The following DLG2 variants were observed in gnomAD, a reference collection of about 807,000 sequenced individuals.
DLG2 encodes the protein disks large homolog 2.
A neutral mutation model predicts 132.5 loss-of-function variants in DLG2; 45 were observed. That is an observed-to-expected ratio of 0.34 (90% CI 0.27 to 0.44). DLG2 has a LOEUF of 0.44. Ranked by LOEUF, DLG2 falls within the 20% of genes least tolerant of loss-of-function variation. The pLI is 1.00. For missense variants in DLG2, 1,045 were observed against 1,196.9 expected, an observed-to-expected ratio of 0.87 and a Z score of 1.87; for synonymous variants, 424 against 419.6, an observed-to-expected ratio of 1.01 and a Z score of -0.13.
intron 19 of DLG2, among the ~76,000 whole-genome samples, chr11:83,606,562 G>T (rs181629625): frequency 1.3e-5 from 2 of 152,088 alleles, no homozygotes; most frequent in East Asian, 3.9e-4. Flanking sequence ...AGTTGTCAGG[G>T]TCTTCACGGA....
intron 7 of DLG2, among the ~76,000 whole-genome samples, chr11:84,285,078 G>A (rs2097895680): frequency 6.6e-6 from 1 of 152,138 alleles, no homozygotes; most frequent in South Asian, 2.1e-4. Context: ...TATTATGTAA[G>A]TGGCTCCCTT....
chr11:83,605,799 T>C (rs1011270261), intron 19 of DLG2, among the ~76,000 whole-genome samples: 2 of 152,252 alleles, frequency 1.3e-5, no homozygotes, highest in East Asian at 1.9e-4. Context: ...TGTTCCACTA[T>C]TGTCCACAAA....
chr11:85,286,258 T>C (rs2078552279), intron 3 of DLG2: 2 of 273,644 alleles, frequency 7.3e-6, no homozygotes, highest in Non-Finnish European at 1.4e-5. Context: ...AGTGAATGGA[T>C]GGTAGATGAT....
intron 10 of DLG2, among the ~76,000 whole-genome samples, chr11:84,060,565 G>C (rs1035565527): frequency 4.0e-5 from 6 of 150,948 alleles, no homozygotes; most frequent in Non-Finnish European, 8.8e-5. Flanking sequence ...TTTTCACATG[G>C]AAAGGAATAA....
chr11:85,022,385 T>G (rs1156772321), intron 6 of DLG2, among the ~76,000 whole-genome samples: 1 of 152,006 alleles, frequency 6.6e-6, no homozygotes, highest in Non-Finnish European at 1.5e-5. Flanking sequence ...AAATAATATA[T>G]ACTTTGCGAC....
At chr11:83,597,424 A>G (rs2057774905) in intron 19 of DLG2, among the ~76,000 whole-genome samples, 1 of 152,204 alleles carries the variant, frequency 6.6e-6, no homozygotes, top group Non-Finnish European at 1.5e-5. Flanking sequence ...ACAGTGGCTC[A>G]TGCCTGTAAT....
chr11:83,847,944 A>G (rs1172151930), intron 16 of DLG2, among the ~76,000 whole-genome samples: 3 of 152,138 alleles, frequency 2.0e-5, no homozygotes, highest in Admixed American at 6.5e-5. Context: ...TGTTTGCCCA[A>G]TATCGTAGCT....
At chr11:84,781,068 T>A (rs2071683454) in intron 6 of DLG2, among the ~76,000 whole-genome samples, 2 of 150,102 alleles carry the variant, frequency 1.3e-5, no homozygotes, top group South Asian at 4.2e-4. Flanking sequence ...TGTGTGTGTG[T>A]GTGTGTGTGT....
intron 6 of DLG2, among the ~76,000 whole-genome samples, chr11:84,762,667 G>C (rs150653526): frequency 6.6e-6 from 1 of 152,208 alleles, no homozygotes; most frequent in Non-Finnish European, 1.5e-5. Context: ...TCACATTGGA[G>C]ATCCTGTGTC....
chr11:83,919,941 C>T (rs1218407739), intron 15 of DLG2, among the ~76,000 whole-genome samples: 1 of 152,176 alleles, frequency 6.6e-6, no homozygotes, highest in Non-Finnish European at 1.5e-5. Context: ...ATCCTGATAT[C>T]CATCTTCATT....
chr11:84,215,752 A>G (rs1269524870), intron 8 of DLG2, among the ~76,000 whole-genome samples: 3 of 152,136 alleles, frequency 2.0e-5, no homozygotes, highest in African/African-American at 7.2e-5. Flanking sequence ...ATAAGGACAT[A>G]CTCTGAGATG....
At chr11:85,306,719 C>A (rs1441776416) in intron 3 of DLG2, among the ~76,000 whole-genome samples, 1 of 152,130 alleles carries the variant, frequency 6.6e-6, no homozygotes, top group East Asian at 1.9e-4. Flanking sequence ...ACTACCAGCG[C>A]CCACCACCAC....
intron 4 of DLG2, among the ~76,000 whole-genome samples, chr11:85,193,473 A>C (rs2080779448): frequency 6.6e-6 from 1 of 152,252 alleles, no homozygotes; most frequent in South Asian, 2.1e-4. Context: ...TTTTAAGGGA[A>C]TAGCCAGACT....
rs567183819 is a variant in DLG2, at chr11:84,109,418, C to T, written c.625-10371G>A. Among the ~76,000 whole-genome samples the T allele has an allele frequency of 2.0e-5, 3 of 152,212 alleles. No homozygotes were observed. In the South Asian group the frequency reaches 6.2e-4, roughly 32 times the overall value. ...TGCTTTACCATGATTAATTCAAGGG[C>T]ATTGTGTGTTTAGAATGCTGAATTT... On this transcript the variant is annotated intron_variant, in intron 9 of 27. Coordinates refer to ENST00000376104, the MANE Select transcript of DLG2 (RefSeq NM_001142699.3).
In DLG2 at chr11:83,667,057, C is replaced by T. The variant is rs2075753221; in HGVS notation, c.1826-33732G>A. ...CTTTATCTTTCCTTAGGCATGTTTG[C>T]CTTTGAATAATTAAAGTTGTATCTA... On this transcript the variant is annotated intron_variant, in intron 18 of 27. Transcript: ENST00000376104. 1.3e-5 allele frequency among the ~76,000 whole-genome samples: 2 copies of T among 152,044 alleles called. 1 individual carries two copies. The highest frequency in any genetic ancestry group is 4.1e-4 in the South Asian group (2 of 4,824).
At chr11:85,520,766 G>A (rs1004957538) in intron 3 of DLG2, among the ~76,000 whole-genome samples, 1 of 152,086 alleles carries the variant, frequency 6.6e-6, no homozygotes, top group African/African-American at 2.4e-5. Flanking sequence ...CTGAAGAAAG[G>A]ATAGTCTCCT....
chr11:85,146,568 G>A lies in DLG2; in HGVS notation c.282+7988C>T, dbSNP rs146854570. Reference sequence around the variant, plus strand: ...GGAATTAAGGGTTTCAGGATCCAGCGTGGTGCTTTATTTTACCGTGGCTGA... The same window carrying A: ...GGAATTAAGGGTTTCAGGATCCAGCATGGTGCTTTATTTTACCGTGGCTGA... On this transcript the variant is annotated intron_variant, in intron 5 of 27. Coordinates refer to ENST00000376104, the MANE Select transcript of DLG2 (RefSeq NM_001142699.3). Among the ~76,000 whole-genome samples, 58 of 152,248 alleles carry A rather than the reference G, an allele frequency of 3.8e-4. 1 individual carries two copies. The highest frequency in any genetic ancestry group is 1.3e-3 in the African/African-American group (52 of 41,554).
chr11:83,565,477 T>C (rs906026411), intron 19 of DLG2, among the ~76,000 whole-genome samples: 2 of 152,196 alleles, frequency 1.3e-5, no homozygotes, highest in South Asian at 2.1e-4. Context: ...ATTGAGAACA[T>C]GGTAGAGGCA....
At chr11:85,185,470 G>A (rs1471322225) in intron 4 of DLG2, among the ~76,000 whole-genome samples, 5 of 151,950 alleles carry the variant, frequency 3.3e-5, no homozygotes, top group Admixed American at 6.6e-5. Context: ...TGGACTAAAT[G>A]TTCTAATGGC....
Sources: gnomAD v4.1 joint callset for allele counts (sites outside exome capture counted in the v4.1 genomes callset) on GRCh38, gnomAD v4.1.1 for gene constraint, MANE v1.5 for transcripts, NCBI Gene and HGNC (gene_info 2026-07-23, HGNC 2026-07-21) for gene names.